The following MAP4 variants were observed in gnomAD, a reference collection of about 807,000 sequenced individuals.
MAP4 encodes microtubule associated protein 4, also known as microtubule-associated protein 4.
A neutral mutation model predicts 170.2 loss-of-function variants in MAP4; 76 were observed. The observed-to-expected ratio is 0.45, with a 90% CI of 0.37 to 0.54. The LOEUF (loss-of-function observed/expected upper bound fraction) is 0.54, where lower values mean the gene tolerates loss of function less well. Ranked by LOEUF, MAP4 falls within the 20% of genes least tolerant of loss-of-function variation. The pLI is 0.00. For missense variants in MAP4, 2,506 were observed against 2,748.0 expected (o/e 0.91, Z 1.97); for synonymous variants, 909 against 994.5 (o/e 0.91, Z 1.62).
chr3:48,022,994 G>A (rs1040521352), intron 1 of MAP4, among the ~76,000 whole-genome samples: 1 of 152,144 alleles, frequency 6.6e-6, no homozygotes, highest in African/African-American at 2.4e-5. Context: ...TATTAAAGCT[G>A]CAATATCCAA....
chr3:48,005,946 C>T (rs778661610), intron 1 of MAP4, among the ~76,000 whole-genome samples: 49 of 152,148 alleles, frequency 3.2e-4, no homozygotes, highest in Non-Finnish European at 6.6e-4. Context: ...GCAAGGTGGG[C>T]GTAGCTACCG....
chr3:48,003,592 G>C (rs2100100543), intron 1 of MAP4, among the ~76,000 whole-genome samples: 1 of 152,014 alleles, frequency 6.6e-6, no homozygotes, highest in Non-Finnish European at 1.5e-5. Flanking sequence ...CTTTGGTTAA[G>C]ACCAGGAAGA....
At chr3:47,864,451 C>T (rs944181132) in intron 17 of MAP4, among the ~76,000 whole-genome samples, 38 of 151,984 alleles carry the variant, frequency 2.5e-4, no homozygotes, top group East Asian at 1.7e-3. Flanking sequence ...CCGAGGCGGG[C>T]GGATCATGAG....
chr3:48,024,151 A>AGG (rs2100111932), intron 1 of MAP4, among the ~76,000 whole-genome samples: 1 of 152,104 alleles, frequency 6.6e-6, no homozygotes, highest in Non-Finnish European at 1.5e-5. Flanking sequence ...CTCTACTAAA[A>AGG]ATACAAAAAT....
intron 1 of MAP4, among the ~76,000 whole-genome samples, chr3:48,014,629 G>A (rs534885545): frequency 7.9e-5 from 12 of 151,926 alleles, no homozygotes; most frequent in East Asian, 1.9e-4. Context: ...ACTGCACTCC[G>A]GCGTGGGCAA....
intron 6 of MAP4, among the ~76,000 whole-genome samples, chr3:47,917,527 A>C (rs1474177693): frequency 6.6e-6 from 1 of 151,500 alleles, no homozygotes; most frequent in Non-Finnish European, 1.5e-5. Context: ...CGGAGTTTGC[A>C]ATGAACCGAG....
chr3:48,052,261 G>A (rs948409137), intron 1 of MAP4, among the ~76,000 whole-genome samples: 3 of 152,108 alleles, frequency 2.0e-5, no homozygotes, highest in South Asian at 2.1e-4. Flanking sequence ...TCGCTCTGTC[G>A]CCCAGGCTGG....
At position 47,875,862 on chromosome 3, in the gene MAP4, C is replaced by T. The variant is rs1295331067; in HGVS notation, c.5580G>A (p.Ser1860=). The change falls in exon 12 of 21, where the codon TCG becomes TCA. Residue 1860 remains serine, a synonymous_variant. Transcript: ENST00000683076. ...GAGAAGTGGGCTGTGTTTTGGCTTT[C>T]GATGTTGAAGTCTTTGCAGGTTGAG... ...ATTQPAKTST[S]KAKTQPTSLP... The T allele has an allele frequency of 1.9e-6, 3 of 1,612,686 alleles. No individual in the cohort carries two copies. Among genetic ancestry groups the T allele is most frequent in the African/African-American group, 2.7e-5 (2 of 74,766 alleles).
chr3:47,918,823 G>C lies in MAP4; in HGVS notation c.548C>G (p.Thr183Arg), dbSNP rs779650238. ...AGACCACCCCTGAGGTACAACAGCT[G>C]TGTTGCAGGGAGACATACCTAATAT... The part of the protein sequence containing the change: ...KDSYGMSPCN[T>R]AVVPQGWSVE... The change falls in exon 6 of 21, where the codon ACA becomes AGA. Residue 183 changes from threonine (T) to arginine (R), a missense_variant. Physicochemically the swap from Thr to Arg is moderately conservative, Grantham distance 71. Coordinates refer to ENST00000683076, the MANE Select transcript of MAP4 (RefSeq NM_001385682.1). 1 of 1,612,874 alleles carries C rather than the reference G, an allele frequency of 6.2e-7. No homozygotes were observed. Among genetic ancestry groups the C allele is most frequent in the Non-Finnish European group, 8.5e-7 (1 of 1,179,102 alleles).
At chr3:47,991,492 C>T (rs1341126081) in intron 2 of MAP4, among the ~76,000 whole-genome samples, 2 of 152,088 alleles carry the variant, frequency 1.3e-5, no homozygotes, top group African/African-American at 4.8e-5. Context: ...GGAACACAGT[C>T]TGACTGTCGC....
chr3:47,937,656 CTTTTTTTT>C (rs71070243), intron 3 of MAP4, among the ~76,000 whole-genome samples: 1 of 107,934 alleles, frequency 9.3e-6, no homozygotes, highest in Non-Finnish European at 1.8e-5. Context: ...TTTTCTTCTT[CTTTTTTTT>C]TTTTTTTTTT....
chr3:47,877,201 T>C (rs2095618114), intron 11 of MAP4: 2 of 465,008 alleles, frequency 4.3e-6, no homozygotes, highest in South Asian at 2.3e-5. Flanking sequence ...TTTACAGATA[T>C]ATAAGATAAT....
chr3:47,930,504 A>C (rs1187323563), intron 3 of MAP4, among the ~76,000 whole-genome samples: 2 of 152,112 alleles, frequency 1.3e-5, no homozygotes, highest in African/African-American at 4.8e-5. Context: ...CAACAAAGGT[A>C]CTATTAAAGA....
rs1023019499 is a variant in MAP4, at chr3:48,016,341, A to G, written c.-27T>C. On this transcript the variant is annotated 5_prime_UTR_variant, in exon 1 of 21. The change abolishes the stop of an existing upstream ORF in the 5' untranslated region. Coordinates refer to ENST00000683076, the MANE Select transcript of MAP4 (RefSeq NM_001385682.1). ...GCTACCTTGCTTACTTACAGGAACTATCCAGGCAGCTTGTGTTCAGTCCTG... is the reference window on the plus strand; with the variant it reads ...GCTACCTTGCTTACTTACAGGAACTGTCCAGGCAGCTTGTGTTCAGTCCTG... 1 of 152,138 alleles carries G rather than the reference A, an allele frequency of 6.6e-6. No homozygotes were observed. The highest frequency in any genetic ancestry group is 1.5e-5 in the Non-Finnish European group (1 of 68,048). 9.4% of individuals were successfully genotyped at this position (152,138 alleles called of 1,614,324 possible).
rs114749783 is a variant in MAP4 at position 48,086,719 on chromosome 3, C to T, written c.-20+2054G>A. On this transcript the variant is annotated intron_variant, in intron 1 of 18. Transcript: ENST00000360240. ...GCCTTTCCAATTCCATAATCAACTA[C>T]CTTTTTATTACTGATTAGGCAGCCC... 4.0e-3 allele frequency among the ~76,000 whole-genome samples: 611 copies of T among 152,338 alleles called. 6 individuals carry two copies. Among genetic ancestry groups the T allele is most frequent in the African/African-American group, 0.014 (592 of 41,574 alleles).
At chr3:47,972,930 G>T in intron 3 of MAP4, 1 of 688,260 alleles carries the variant, frequency 1.5e-6, no homozygotes, top group Non-Finnish European at 1.8e-6. Flanking sequence ...AAGTGAAAAT[G>T]CTTGACAAAA....
chr3:48,060,094 G>T (rs958683085), intron 1 of MAP4, among the ~76,000 whole-genome samples: 1 of 152,042 alleles, frequency 6.6e-6, no homozygotes, highest in African/African-American at 2.4e-5. Flanking sequence ...GTCTGCAGTA[G>T]AACTCTGCAA....
In MAP4 at chr3:48,055,414, C is replaced by T. The variant is rs1026226198; in HGVS notation, c.-20+33359G>A. Among the ~76,000 whole-genome samples the T allele has an allele frequency of 7.2e-5, 11 of 151,824 alleles. No individual in the cohort carries two copies. The East Asian group carries it at 1.9e-3, about 27-fold the overall frequency. On this transcript the variant is annotated intron_variant, in intron 1 of 18. Transcript: ENST00000360240. ...GGAGACGGGGTTTCGCTGTGTTGGC[C>T]GGGCCGGTCTCCAGCCCCTAACCGC...
chr3:47,979,845 G>A (rs916010806), intron 2 of MAP4, among the ~76,000 whole-genome samples: 23 of 151,360 alleles, frequency 1.5e-4, no homozygotes, highest in African/African-American at 5.6e-4. Context: ...GTTTTTTCGA[G>A]ACAGGGTCTC....
Sources: allele counts gnomAD v4.1 joint callset (sites outside exome capture counted in the v4.1 genomes callset), GRCh38; gene constraint gnomAD v4.1.1; transcripts MANE v1.5; gene names NCBI Gene and HGNC (gene_info 2026-07-23, HGNC 2026-07-21).